Variants in DNMBP observed in about 807,000 individuals in gnomAD.
The protein encoded by DNMBP is dynamin-binding protein.
In DNMBP, 87 loss-of-function variants were observed where a neutral mutation model predicts 150.0. The ratio of observed to expected loss-of-function variants is 0.58; its 90% CI spans 0.49 to 0.69. DNMBP has a LOEUF of 0.69. Ranked by LOEUF, DNMBP falls within the 30% of genes least tolerant of loss-of-function variation. The pLI is 0.00. For synonymous variants in DNMBP, 711 were observed against 750.4 expected (o/e 0.95, Z 0.86); for missense variants, 1,774 against 1,949.0 (o/e 0.91, Z 1.69).
At chr10:99,916,072 G>A (rs1391256157) in intron 4 of DNMBP, among the ~76,000 whole-genome samples, 1 of 152,234 alleles carries the variant, frequency 6.6e-6, no homozygotes, top group African/African-American at 2.4e-5. Context: ...TAGAGCCACA[G>A]TTTGCCCACA....
intron 4 of DNMBP, among the ~76,000 whole-genome samples, chr10:99,945,939 C>T (rs2040352142): frequency 6.6e-6 from 1 of 152,160 alleles, no homozygotes; most frequent in Admixed American, 6.6e-5. Context: ...AACCGAACAG[C>T]CCTACCCAGA....
Position 99,883,966 on chromosome 10 carries a change from A to AT in DNMBP, c.3997+44dup, listed in dbSNP as rs112408258. On this transcript the variant is annotated intron_variant, in intron 15 of 16. Coordinates refer to ENST00000324109, the MANE Select transcript of DNMBP (RefSeq NM_015221.4). Reference sequence around the variant, plus strand: ...AGATTCGGGTGCAGCCAAAACTACTATTTTTTTTTTCCAGTTACAGTCCTC... The same window carrying AT: ...AGATTCGGGTGCAGCCAAAACTACTATTTTTTTTTTTCCAGTTACAGTCCTC... 8,859 of 1,374,882 alleles carry AT rather than the reference A, an allele frequency of 6.4e-3. 20 individuals are homozygous for AT. The highest frequency in any genetic ancestry group is 0.028 in the African/African-American group (1,934 of 67,994). The allele number at this position is 1,374,882 out of a possible 1,614,324, so 85.2% of individuals were successfully genotyped here.
At chr10:99,915,108 A>AAAAAAAAAAAATAT (rs10654940) in intron 4 of DNMBP, among the ~76,000 whole-genome samples, 2 of 99,804 alleles carry the variant, frequency 2.0e-5, no homozygotes, top group African/African-American at 8.8e-5. Flanking sequence ...AAAAAAAAAA[A>AAAAAAAAAAAATAT]ATATATATAT....
chr10:99,931,721 G>A (rs191806122), intron 4 of DNMBP, among the ~76,000 whole-genome samples: 46 of 152,292 alleles, frequency 3.0e-4, no homozygotes, highest in Non-Finnish European at 5.3e-4. Flanking sequence ...TCATAGAGGA[G>A]GCATTGTGGA....
At chr10:99,938,000 T>C (rs2040252869) in intron 4 of DNMBP, among the ~76,000 whole-genome samples, 1 of 152,206 alleles carries the variant, frequency 6.6e-6, no homozygotes, top group Non-Finnish European at 1.5e-5. Context: ...ATTACCCTCT[T>C]TGGCTGTCAC....
At chr10:99,895,172 G>GT (rs1433285712) in intron 10 of DNMBP, 122 bp from the exon 11 acceptor site, 7 of 614,362 alleles carry the variant, frequency 1.1e-5, no homozygotes, top group Admixed American at 2.9e-5. Context: ...TGTCGTCCAG[G>GT]TTGGAGTGCA....
intron 1 of DNMBP, among the ~76,000 whole-genome samples, chr10:99,991,225 C>T (rs928665434): frequency 6.6e-6 from 1 of 151,946 alleles, no homozygotes; most frequent in Non-Finnish European, 1.5e-5. Context: ...ACTACAGGCA[C>T]GTGCCACCAT....
At chr10:99,965,891 T>G (rs925118257) in intron 3 of DNMBP, among the ~76,000 whole-genome samples, 5 of 152,204 alleles carry the variant, frequency 3.3e-5, no homozygotes, top group Admixed American at 3.3e-4. Flanking sequence ...AAAGTGATTT[T>G]CAGTCTAGGA....
At chr10:99,890,221 T>C (rs2039536073) in intron 11 of DNMBP, among the ~76,000 whole-genome samples, 1 of 152,218 alleles carries the variant, frequency 6.6e-6, no homozygotes, top group African/African-American at 2.4e-5. Context: ...AAAGGAATGT[T>C]ATAAAGTCCC....
chr10:100,008,597 A>T (rs919183925), intron 1 of DNMBP, among the ~76,000 whole-genome samples: 9 of 152,260 alleles, frequency 5.9e-5, no homozygotes, highest in Admixed American at 3.3e-4. Flanking sequence ...CATTATGCAG[A>T]ATTCTAAAAA....
At chr10:99,891,503 GGC>G (rs2039559661) in intron 11 of DNMBP, among the ~76,000 whole-genome samples, 1 of 152,028 alleles carries the variant, frequency 6.6e-6, no homozygotes, top group African/African-American at 2.4e-5. Context: ...GGAGTGCAGT[GGC>G]GTGATCTCGG....
At chr10:99,922,588 C>T (rs1224335465) in intron 4 of DNMBP, among the ~76,000 whole-genome samples, 1 of 138,826 alleles carries the variant, frequency 7.2e-6, no homozygotes, top group African/African-American at 2.7e-5. Flanking sequence ...GCAATCATAG[C>T]TCACTGCAGC....
chr10:99,988,276 T>C (rs1157218756), intron 1 of DNMBP, among the ~76,000 whole-genome samples: 1 of 152,232 alleles, frequency 6.6e-6, no homozygotes, highest in Non-Finnish European at 1.5e-5. Flanking sequence ...TACTTTTTTG[T>C]TACAGATTTT....
At chr10:99,882,453 G>A (rs900407620) in intron 15 of DNMBP, among the ~76,000 whole-genome samples, 4 of 152,154 alleles carry the variant, frequency 2.6e-5, no homozygotes, top group East Asian at 1.9e-4. Context: ...GCATGGTCAC[G>A]CATGCCTCTG....
intron 4 of DNMBP, among the ~76,000 whole-genome samples, chr10:99,945,988 G>A (rs1009427407): frequency 2.6e-5 from 4 of 152,054 alleles, no homozygotes; most frequent in Admixed American, 6.6e-5. Context: ...ACGGAGTCTC[G>A]CTCTGTTGCC....
At chr10:99,992,758 C>CTA (rs1389196651) in intron 1 of DNMBP, among the ~76,000 whole-genome samples, 2 of 152,098 alleles carry the variant, frequency 1.3e-5, no homozygotes, top group African/African-American at 4.8e-5. Flanking sequence ...GATCTCATGA[C>CTA]CTCGTGATCT....
At chr10:99,968,239 G>A (rs2040639645) in intron 3 of DNMBP, among the ~76,000 whole-genome samples, 1 of 152,088 alleles carries the variant, frequency 6.6e-6, no homozygotes, top group Non-Finnish European at 1.5e-5. Context: ...AAATGCGGAT[G>A]TTTTGCACCT....
chr10:99,941,093 C>T lies in DNMBP; in HGVS notation c.2260+14121G>A, dbSNP rs183062250. Among the ~76,000 whole-genome samples, 4 of 152,228 alleles carry T rather than the reference C, an allele frequency of 2.6e-5. No homozygotes were observed. In the East Asian group the frequency reaches 7.7e-4, roughly 29 times the overall value. Reference sequence around the variant, plus strand: ...AGTGACGGGGTTTCACCATGTTGGTCCGGATGGTCGCAAACTCCTGACCTC... The same window carrying T: ...AGTGACGGGGTTTCACCATGTTGGTTCGGATGGTCGCAAACTCCTGACCTC... On this transcript the variant is annotated intron_variant, in intron 4 of 16. Coordinates refer to ENST00000324109, the MANE Select transcript of DNMBP (RefSeq NM_015221.4).
At chr10:99,929,936 T>C in intron 4 of DNMBP, 1 of 702,992 alleles carries the variant, frequency 1.4e-6, no homozygotes, top group South Asian at 1.5e-5. Flanking sequence ...GAGATTTATA[T>C]GCACAGTTTG....
Sources: allele counts gnomAD v4.1 joint callset (sites outside exome capture counted in the v4.1 genomes callset), GRCh38; gene constraint gnomAD v4.1.1; transcripts MANE v1.5; gene names NCBI Gene and HGNC (gene_info 2026-07-23, HGNC 2026-07-21).